The following SKIC3 variants were observed in gnomAD, a reference collection of about 807,000 sequenced individuals.
SKIC3 encodes superkiller complex protein 3.
the SKIC3 span, among the ~76,000 whole-genome samples, chr5:95,488,430 T>C: frequency 6.6e-6 from 1 of 151,816 alleles, no homozygotes; most frequent in African/African-American, 2.4e-5. Flanking sequence ...ACTAAAAACA[T>C]AAAGAGAAGA....
chr5:95,464,468 A>G, the SKIC3 span: 2 of 670,170 alleles, frequency 3.0e-6, no homozygotes, highest in Non-Finnish European at 4.9e-6. Context: ...TTCCTAACTT[A>G]AAAACTTCAA....
chr5:95,482,705 A>G, the SKIC3 span: 1 of 1,536,296 alleles, frequency 6.5e-7, no homozygotes, highest in Non-Finnish European at 8.9e-7. Flanking sequence ...ATTATTCTCC[A>G]AGTTGGGAAA....
At chr5:95,498,852 C>A in the SKIC3 span, among the ~76,000 whole-genome samples, 1 of 152,158 alleles carries the variant, frequency 6.6e-6, no homozygotes, top group African/African-American at 2.4e-5. Context: ...GTCTCAATCT[C>A]CTGACCTCGT....
At chr5:95,467,723 A>T in the SKIC3 span, 6 of 1,224,438 alleles carry the variant, frequency 4.9e-6, no homozygotes, top group Non-Finnish European at 6.7e-6. Flanking sequence ...TTATTAGCCA[A>T]AAAATTACAC....
the SKIC3 span, among the ~76,000 whole-genome samples, chr5:95,538,128 T>C: frequency 6.6e-6 from 1 of 152,130 alleles, no homozygotes; most frequent in Admixed American, 6.5e-5. Context: ...CTTAAAATCT[T>C]AAGTACAATT....
chr5:95,525,442 A>G, the SKIC3 span: 2 of 1,614,052 alleles, frequency 1.2e-6, no homozygotes, highest in South Asian at 1.1e-5. Flanking sequence ...AATGAATCAA[A>G]GCCTCAAGGG....
chr5:95,507,815 T>C, the SKIC3 span, among the ~76,000 whole-genome samples: 69 of 152,102 alleles, frequency 4.5e-4, no homozygotes, highest in African/African-American at 1.6e-3. Flanking sequence ...AAAACAGCAG[T>C]GATGATCAGT....
chr5:95,533,745 T>C, the SKIC3 span, among the ~76,000 whole-genome samples: 1 of 152,266 alleles, frequency 6.6e-6, no homozygotes, highest in African/African-American at 2.4e-5. Context: ...TTCTAATCAA[T>C]CAGTATAATC....
chr5:95,469,676 T>G, the SKIC3 span: 1 of 1,503,792 alleles, frequency 6.6e-7, no homozygotes. Flanking sequence ...TTTGTTAAAT[T>G]GGTCTGTTAC....
At chr5:95,521,022 C>T in the SKIC3 span, among the ~76,000 whole-genome samples, 3 of 152,002 alleles carry the variant, frequency 2.0e-5, no homozygotes, top group Non-Finnish European at 4.4e-5. Flanking sequence ...AGTAAACATG[C>T]ACTAGAAGTT....
the SKIC3 span, chr5:95,543,036 T>C: frequency 2.1e-6 from 2 of 956,036 alleles, no homozygotes; most frequent in Non-Finnish European, 3.1e-6. Context: ...AAACTAACTT[T>C]TAGGTTTAGA....
chr5:95,526,129 C>G, the SKIC3 span, among the ~76,000 whole-genome samples: 1 of 152,174 alleles, frequency 6.6e-6, no homozygotes, highest in Non-Finnish European at 1.5e-5. Context: ...TTAACACTAT[C>G]AAATTTCTCA....
chr5:95,507,401 T>C, the SKIC3 span, among the ~76,000 whole-genome samples: 1 of 152,202 alleles, frequency 6.6e-6, no homozygotes, highest in Admixed American at 6.5e-5. Flanking sequence ...TTGAATGCTT[T>C]CATGTGCCCT....
the SKIC3 span, among the ~76,000 whole-genome samples, chr5:95,474,674 A>G: frequency 6.6e-6 from 1 of 152,164 alleles, no homozygotes; most frequent in South Asian, 2.1e-4. Context: ...CCTCTTTAGC[A>G]AATTTAGGAA....
the SKIC3 span, among the ~76,000 whole-genome samples, chr5:95,520,448 G>A: frequency 1.3e-5 from 2 of 148,628 alleles, no homozygotes; most frequent in Non-Finnish European, 3.0e-5. Context: ...CAGAGCTGCT[G>A]TTCCACTAGC....
At chr5:95,464,530 C>T in the SKIC3 span, 125,448 of 1,135,074 alleles carry the variant, frequency 0.11, 8,801 homozygotes, top group African/African-American at 0.3. Context: ...AAAAATGTTG[C>T]TTTGGGTAGA....
chr5:95,553,991 C>T, the SKIC3 span, among the ~76,000 whole-genome samples: 1 of 152,200 alleles, frequency 6.6e-6, no homozygotes, highest in East Asian at 1.9e-4. Flanking sequence ...AATTTTCAGT[C>T]GTGCTCTGAC....
At chr5:95,480,045 C>T in the SKIC3 span, among the ~76,000 whole-genome samples, 68 of 152,010 alleles carry the variant, frequency 4.5e-4, 1 homozygote, top group Admixed American at 2.9e-3. Flanking sequence ...ATGTTAATTA[C>T]GGGTAAAAAT....
At chr5:95,503,576 C>T in the SKIC3 span, among the ~76,000 whole-genome samples, 1 of 152,170 alleles carries the variant, frequency 6.6e-6, no homozygotes, top group Non-Finnish European at 1.5e-5. Flanking sequence ...GCCCCAGTTT[C>T]CTCATCTGTA....
Sources: gnomAD v4.1 joint callset for allele counts (sites outside exome capture counted in the v4.1 genomes callset) on GRCh38, gnomAD v4.1.1 for gene constraint, MANE v1.5 for transcripts, NCBI Gene and HGNC (gene_info 2026-07-23, HGNC 2026-07-21) for gene names.